The following SMAD3 variants were observed in gnomAD, a reference collection of about 807,000 sequenced individuals.
The protein encoded by SMAD3 is MAD homolog 3.
In SMAD3, 12 loss-of-function variants were observed where a neutral mutation model predicts 51.8. The observed-to-expected ratio is 0.23, with a 90% CI of 0.15 to 0.38. The LOEUF (loss-of-function observed/expected upper bound fraction) is 0.38, where lower values mean the gene tolerates loss of function less well. Ranked by LOEUF, SMAD3 falls within the 10% of genes least tolerant of loss-of-function variation. The pLI is 1.00. For missense variants in SMAD3, 294 were observed against 565.6 expected (o/e 0.52, Z 4.87); for synonymous variants, 238 against 227.7 (o/e 1.05, Z -0.41).
chr15:67,160,770 CAAAAAAAAAAAAAAAAAAAAAAAAAAA>C (rs547354315), intron 1 of SMAD3, among the ~76,000 whole-genome samples: 3 of 61,038 alleles, frequency 4.9e-5, no homozygotes, highest in Admixed American at 2.7e-4. Flanking sequence ...GACTCCATCT[CAAAAAAAAAAAAAAAAAAAAAAAAAAA>C]AAAAAAAAAA....
chr15:67,066,500 T>G (rs1959922186), intron 1 of SMAD3, 140 bp downstream of exon 1: 1 of 708,286 alleles, frequency 1.4e-6, no homozygotes, highest in Non-Finnish European at 2.4e-6. Flanking sequence ...TGTGTGAGAG[T>G]GGGAGAGCGC....
intron 8 of SMAD3, among the ~76,000 whole-genome samples, chr15:67,188,617 CT>C (rs1417186225): frequency 1.3e-5 from 2 of 152,264 alleles, no homozygotes; most frequent in African/African-American, 4.8e-5. Context: ...ACACTCCCCC[CT>C]GCCAGCCGCC....
intron 1 of SMAD3, among the ~76,000 whole-genome samples, chr15:67,158,751 T>C (rs1018951784): frequency 6.6e-6 from 1 of 152,210 alleles, no homozygotes; most frequent in African/African-American, 2.4e-5. Context: ...ACAGAAGCCT[T>C]GTGAACATTC....
At chr15:67,113,626 C>G (rs545452014) in intron 1 of SMAD3, among the ~76,000 whole-genome samples, 5 of 152,248 alleles carry the variant, frequency 3.3e-5, no homozygotes, top group African/African-American at 1.2e-4. Flanking sequence ...AGCTTTCTAG[C>G]AGCCAAGGGT....
At chr15:67,119,378 T>C (rs548616315) in intron 1 of SMAD3, among the ~76,000 whole-genome samples, 1 of 151,616 alleles carries the variant, frequency 6.6e-6, no homozygotes, top group African/African-American at 2.4e-5. Flanking sequence ...GGGAGGCCCA[T>C]AGTCAATGGG....
intron 6 of SMAD3, among the ~76,000 whole-genome samples, chr15:67,181,831 G>T (rs1005385298): frequency 6.6e-5 from 10 of 150,720 alleles, no homozygotes; most frequent in African/African-American, 2.4e-4. Flanking sequence ...CTTTATCCAG[G>T]CTGGAGTGCA....
At position 67,066,376 on chromosome 15, in the gene SMAD3, G is replaced by T. The variant is rs1321697134; in HGVS notation, c.206+16G>T. The T allele has an allele frequency of 6.2e-7, 1 of 1,605,242 alleles. No individual in the cohort carries two copies. Among genetic ancestry groups the T allele is most frequent in the Non-Finnish European group, 8.5e-7 (1 of 1,175,138 alleles). ...CCATCCCCAGGTGGGGGCCCGCCCG[G>T]GGGGGACCCGGGGTCACGCCGGCCC... On this transcript the variant is annotated intron_variant, in intron 1 of 8. Coordinates refer to ENST00000327367, the MANE Select transcript of SMAD3 (RefSeq NM_005902.4).
chr15:67,070,935 G>A (rs1193607091), intron 1 of SMAD3, among the ~76,000 whole-genome samples: 2 of 152,152 alleles, frequency 1.3e-5, no homozygotes, highest in African/African-American at 4.8e-5. Context: ...TGACAGGTAT[G>A]TTACGTTTAT....
At chr15:67,111,994 G>T (rs1052419398) in intron 1 of SMAD3, among the ~76,000 whole-genome samples, 1 of 151,636 alleles carries the variant, frequency 6.6e-6, no homozygotes, top group Non-Finnish European at 1.5e-5. Context: ...CACCATGATG[G>T]CCAGGTTGGT....
intron 6 of SMAD3, among the ~76,000 whole-genome samples, chr15:67,182,152 T>C (rs1229385984): frequency 3.9e-5 from 6 of 152,226 alleles, no homozygotes; most frequent in African/African-American, 1.4e-4. Flanking sequence ...GCAGTCATTG[T>C]TGGAAGAGTG....
At chr15:67,154,271 A>C (rs1962224188) in intron 1 of SMAD3, among the ~76,000 whole-genome samples, 1 of 152,210 alleles carries the variant, frequency 6.6e-6, no homozygotes. Context: ...GGCAGCATTC[A>C]TGCCCAAAGC....
At chr15:67,105,758 T>C (rs987552123) in intron 1 of SMAD3, among the ~76,000 whole-genome samples, 1 of 152,220 alleles carries the variant, frequency 6.6e-6, no homozygotes, top group African/African-American at 2.4e-5. Context: ...GTTTTCAACC[T>C]GCCTGAAGCA....
At chr15:67,106,934 T>C (rs1468427513) in intron 1 of SMAD3, among the ~76,000 whole-genome samples, 1 of 152,114 alleles carries the variant, frequency 6.6e-6, no homozygotes, top group East Asian at 1.9e-4. Context: ...TCAAAACATA[T>C]CATTCCCCAG....
intron 1 of SMAD3, chr15:67,137,918 C>G: frequency 1.3e-6 from 1 of 749,098 alleles, no homozygotes; most frequent in Non-Finnish European, 2.3e-6. Flanking sequence ...CTTCTGTTAG[C>G]GACAGAGAAA....
chr15:67,150,420 A>C (rs1396548673), intron 1 of SMAD3, among the ~76,000 whole-genome samples: 1 of 152,194 alleles, frequency 6.6e-6, no homozygotes, highest in African/African-American at 2.4e-5. Flanking sequence ...GCCGCCAGTT[A>C]TCATCGCCTG....
intron 1 of SMAD3, among the ~76,000 whole-genome samples, chr15:67,082,000 A>C (rs953561746): frequency 1.3e-5 from 2 of 151,928 alleles, no homozygotes; most frequent in Non-Finnish European, 2.9e-5. Flanking sequence ...TTACTTAGGC[A>C]CCAACTTACT....
rs1962541191 is a variant in SMAD3 at position 67,165,067 on chromosome 15, T to A, written c.379T>A (p.Tyr127Asn). The part of the protein sequence containing the change: ...KDEVCVNPYH[Y>N]QRVETPVLPP... ...CGAGGTCTGCGTGAATCCCTACCACTACCAGAGAGTAGAGACACCAGGTAT... is the reference window on the plus strand; with the variant it reads ...CGAGGTCTGCGTGAATCCCTACCACAACCAGAGAGTAGAGACACCAGGTAT... Residue 127 changes from tyrosine (Y) to asparagine (N), a missense_variant, in exon 2 of 9, where the codon TAC becomes AAC. Physicochemically the swap from Tyr to Asn is moderately radical, Grantham distance 143. Around this residue, in one of 3 missense-constraint regions of SMAD3, gnomAD observed 147 missense variants for 260.9 expected, o/e 0.56. Transcript: ENST00000327367. The A allele has an allele frequency of 6.2e-7, 1 of 1,614,154 alleles. No individual in the cohort carries two copies. The highest frequency in any genetic ancestry group is 8.5e-7 in the Non-Finnish European group (1 of 1,180,026).
chr15:67,079,470 A>C (rs1210161953), intron 1 of SMAD3, among the ~76,000 whole-genome samples: 3 of 152,158 alleles, frequency 2.0e-5, no homozygotes, highest in African/African-American at 7.2e-5. Context: ...CTTGTACTAG[A>C]AGCTTAGGTG....
At chr15:67,188,595 G>A (rs916045133) in intron 8 of SMAD3, among the ~76,000 whole-genome samples, 27 of 152,148 alleles carry the variant, frequency 1.8e-4, no homozygotes, top group Non-Finnish European at 3.7e-4. Flanking sequence ...GTGTGCCCCC[G>A]CCTTCTGCTC....
Sources: gnomAD v4.1 joint callset for allele counts (sites outside exome capture counted in the v4.1 genomes callset) on GRCh38, gnomAD v4.1.1 for gene constraint, gnomAD v4.1.1 regional missense constraint, MANE v1.5 for transcripts, NCBI Gene and HGNC (gene_info 2026-07-23, HGNC 2026-07-21) for gene names.